The following TCF4 variants were observed in gnomAD, a reference collection of about 807,000 sequenced individuals.
TCF4 encodes transcription factor 4, also known as SL3-3 enhancer factor 2.
TCF4 carries 3 observed loss-of-function variants against 82.1 expected under a neutral mutation model. That is an observed-to-expected ratio of 0.04 (90% CI 0.02 to 0.09). TCF4 has a LOEUF of 0.09. Among genes scored for constraint, TCF4 ranks in the 10% least tolerant of loss-of-function variants. The pLI, the probability that TCF4 is intolerant of heterozygous loss-of-function variation, is 1.00. For synonymous variants in TCF4, 276 were observed against 309.6 expected (o/e 0.89, Z 1.14); for missense variants, 518 against 852.7 (o/e 0.61, Z 4.89).
intron 2 of TCF4, among the ~76,000 whole-genome samples, chr18:55,605,903 A>T (rs934578470): frequency 1.3e-5 from 2 of 152,232 alleles, no homozygotes; most frequent in Non-Finnish European, 2.9e-5. Context: ...AGTGGTTCCC[A>T]AAAAGTGGTT....
chr18:55,231,893 A>G (rs2083514866), intron 17 of TCF4: 1 of 152,454 alleles, frequency 6.6e-6, no homozygotes, highest in African/African-American at 2.4e-5. Flanking sequence ...GGGTGTTGGT[A>G]TTCAAAAACC....
At chr18:55,620,833 G>T (rs1262646231) in intron 2 of TCF4, among the ~76,000 whole-genome samples, 2 of 150,658 alleles carry the variant, frequency 1.3e-5, no homozygotes. Flanking sequence ...CAGGTGGCTG[G>T]ATAAATCCAG....
chr18:55,283,884 A>G (rs1479738965), intron 8 of TCF4, among the ~76,000 whole-genome samples: 1 of 152,228 alleles, frequency 6.6e-6, no homozygotes, highest in Non-Finnish European at 1.5e-5. Flanking sequence ...TATTATTTGG[A>G]CAAATGTGAC....
At chr18:55,232,213 A>C (rs190513971) in intron 17 of TCF4, 70 of 320,438 alleles carry the variant, frequency 2.2e-4, no homozygotes, top group African/African-American at 1.4e-3. Flanking sequence ...TTTCTGACCA[A>C]ATTTGTAGAA....
chr18:55,437,063 C>G (rs748151710), intron 5 of TCF4, among the ~76,000 whole-genome samples: 2 of 152,230 alleles, frequency 1.3e-5, no homozygotes, highest in African/African-American at 4.8e-5. Flanking sequence ...TTTCCCTAAC[C>G]ATTTTGCATA....
chr18:55,275,565 C>T lies in TCF4; in HGVS notation c.789+54G>A, dbSNP rs889936049. The T allele has an allele frequency of 8.7e-6, 14 of 1,612,152 alleles. No individual in the cohort carries two copies. The Middle Eastern group carries it at 6.9e-4, about 80-fold the overall frequency. ...TGTATATGCATGGAAAGACAGAGGACGAGGTTTAATCAACTAGCTGTGACA... is the reference window on the plus strand; with the variant it reads ...TGTATATGCATGGAAAGACAGAGGATGAGGTTTAATCAACTAGCTGTGACA... On this transcript the variant is annotated intron_variant, in intron 10 of 19. Transcript: ENST00000354452.
At chr18:55,422,577 G>GT (rs1473066336) in intron 5 of TCF4, 1 of 505,722 alleles carries the variant, frequency 2.0e-6, no homozygotes, top group Admixed American at 6.4e-5. Context: ...GGTTTAAAGA[G>GT]TTAAAGACTC....
intron 2 of TCF4, among the ~76,000 whole-genome samples, chr18:55,620,269 A>G (rs1305743203): frequency 6.6e-6 from 1 of 152,162 alleles, no homozygotes; most frequent in East Asian, 1.9e-4. Context: ...AAATGTTCTA[A>G]TACAAGGACC....
At chr18:55,362,701 T>C (rs537622396) in intron 6 of TCF4, among the ~76,000 whole-genome samples, 1 of 152,368 alleles carries the variant, frequency 6.6e-6, no homozygotes, top group East Asian at 1.9e-4. Flanking sequence ...AATAGGACTG[T>C]GATCTTTAAG....
intron 3 of TCF4, among the ~76,000 whole-genome samples, chr18:55,504,557 T>G (rs937339072): frequency 1.3e-5 from 2 of 152,242 alleles, no homozygotes. Context: ...TCCTAGTCAT[T>G]TTAATCTGCC....
chr18:55,347,190 T>C (rs966473883), intron 8 of TCF4, among the ~76,000 whole-genome samples: 1 of 151,980 alleles, frequency 6.6e-6, no homozygotes, highest in Non-Finnish European at 1.5e-5. Context: ...ATTACTAAGG[T>C]CTTCGCAAAA....
chr18:55,494,365 A>C lies in TCF4; in HGVS notation c.146-30228T>G, dbSNP rs570136944. On this transcript the variant is annotated intron_variant, in intron 3 of 19. Transcript: ENST00000354452. ...TGGTTTGGATGCACACAGAGGAAAAATGGCCAGTGAGAATAAAGGGACTTC... is the reference window on the plus strand; with the variant it reads ...TGGTTTGGATGCACACAGAGGAAAACTGGCCAGTGAGAATAAAGGGACTTC... 9.9e-5 allele frequency among the ~76,000 whole-genome samples: 15 copies of C among 152,126 alleles called. No individual in the cohort carries two copies. The South Asian group carries it at 2.9e-3, about 29-fold the overall frequency.
At chr18:55,585,469 A>G (rs911569274) in intron 2 of TCF4, 117 bp from the exon 3 acceptor site, 2 of 942,688 alleles carry the variant, frequency 2.1e-6, no homozygotes, top group African/African-American at 3.3e-5. Flanking sequence ...GGGTTTATTT[A>G]GTAAAATACA....
At chr18:55,575,365 T>A (rs2147651271) in intron 3 of TCF4, among the ~76,000 whole-genome samples, 1 of 152,310 alleles carries the variant, frequency 6.6e-6, no homozygotes, top group Non-Finnish European at 1.5e-5. Flanking sequence ...CTTTTCAAAC[T>A]TACAAATTGG....
chr18:55,372,897 A>G (rs1433499178), intron 6 of TCF4, among the ~76,000 whole-genome samples: 1 of 152,216 alleles, frequency 6.6e-6, no homozygotes, highest in Non-Finnish European at 1.5e-5. Context: ...TTTAATAGAG[A>G]TATATAATTT....
At chr18:55,238,632 T>C (rs2050256021) in intron 15 of TCF4, among the ~76,000 whole-genome samples, 1 of 152,212 alleles carries the variant, frequency 6.6e-6, no homozygotes, top group South Asian at 2.1e-4. Flanking sequence ...TAGCTTAGGT[T>C]TTGGACTCAG....
chr18:55,228,800 G>A (rs780886423), intron 18 of TCF4, 47 bp downstream of exon 18: 1 of 1,602,966 alleles, frequency 6.2e-7, no homozygotes. Flanking sequence ...GCTTGTGCCT[G>A]CCACAAGCTC....
intron 5 of TCF4, among the ~76,000 whole-genome samples, chr18:55,445,846 C>T (rs1448376150): frequency 6.6e-6 from 1 of 152,186 alleles, no homozygotes; most frequent in Non-Finnish European, 1.5e-5. Context: ...AGATGAAGCT[C>T]AGGCATTACC....
intron 3 of TCF4, among the ~76,000 whole-genome samples, chr18:55,519,624 G>A (rs2096916817): frequency 6.6e-6 from 1 of 152,026 alleles, no homozygotes; most frequent in African/African-American, 2.4e-5. Flanking sequence ...TCATAATATG[G>A]AGCATTGACC....
Sources: gnomAD v4.1 joint callset for allele counts (sites outside exome capture counted in the v4.1 genomes callset) on GRCh38, gnomAD v4.1.1 for gene constraint, MANE v1.5 for transcripts, NCBI Gene and HGNC (gene_info 2026-07-23, HGNC 2026-07-21) for gene names.